Variants in KCNK2 observed in about 807,000 individuals in gnomAD.
The protein encoded by KCNK2 is potassium two pore domain channel subfamily K member 2.
KCNK2 carries 21 observed loss-of-function variants against 40.5 expected under a neutral mutation model. The observed-to-expected ratio is 0.52, with a 90% CI of 0.37 to 0.75. The LOEUF is 0.75. Ranked by LOEUF, KCNK2 falls within the 30% of genes least tolerant of loss-of-function variation. The pLI, the probability that KCNK2 is intolerant of heterozygous loss-of-function variation, is 0.00. For synonymous variants in KCNK2, 191 were observed against 202.2 expected, an observed-to-expected ratio of 0.94 and a Z score of 0.47; for missense variants, 399 against 531.6, an observed-to-expected ratio of 0.75 and a Z score of 2.45.
At chr1:215,219,055 C>T (rs1004319205) in intron 6 of KCNK2, among the ~76,000 whole-genome samples, 2 of 152,144 alleles carry the variant, frequency 1.3e-5, no homozygotes, top group South Asian at 2.1e-4. Flanking sequence ...AATTCTGCTT[C>T]GTCATGCAGT....
chr1:215,099,925 A>G (rs1239077595), intron 2 of KCNK2, among the ~76,000 whole-genome samples: 2 of 152,040 alleles, frequency 1.3e-5, no homozygotes, highest in African/African-American at 4.8e-5. Context: ...TCCTGTCACT[A>G]TTATTTATAT....
chr1:215,037,143 C>T (rs2601629), intron 1 of KCNK2, among the ~76,000 whole-genome samples: 129,170 of 151,590 alleles, frequency 0.85, 55,309 homozygotes, highest in East Asian at 0.99. Flanking sequence ...AAATGTGCTA[C>T]GAGCCATAAG....
At chr1:215,123,574 C>T (rs1409800952) in intron 2 of KCNK2, among the ~76,000 whole-genome samples, 1 of 152,046 alleles carries the variant, frequency 6.6e-6, no homozygotes, top group African/African-American at 2.4e-5. Flanking sequence ...CTATGGGTTA[C>T]CTGTTCTTTT....
upstream of KCNK2, among the ~76,000 whole-genome samples, chr1:215,080,366 A>T (rs1659106200): frequency 1.3e-5 from 2 of 152,190 alleles, no homozygotes; most frequent in Non-Finnish European, 2.9e-5. Context: ...TGAAAATAAT[A>T]TTCAAAAAAA....
chr1:215,023,204 A>G (rs976670539), intron 1 of KCNK2, among the ~76,000 whole-genome samples: 1 of 152,090 alleles, frequency 6.6e-6, no homozygotes, highest in African/African-American at 2.4e-5. Context: ...AAGGCTTGTT[A>G]TTATTATTAT....
chr1:215,014,902 T>C (rs1460554457), intron 1 of KCNK2, among the ~76,000 whole-genome samples: 1 of 152,188 alleles, frequency 6.6e-6, no homozygotes, highest in East Asian at 1.9e-4. Flanking sequence ...GTAAGTTGTT[T>C]TAATGATATT....
intron 2 of KCNK2, among the ~76,000 whole-genome samples, chr1:215,092,895 C>T (rs1379445494): frequency 6.6e-6 from 1 of 152,108 alleles, no homozygotes; most frequent in African/African-American, 2.4e-5. Context: ...CATGCCTTTA[C>T]CAAGGGACAG....
At chr1:215,142,821 G>C (rs1479112372) in intron 3 of KCNK2, among the ~76,000 whole-genome samples, 1 of 151,794 alleles carries the variant, frequency 6.6e-6, no homozygotes, top group Non-Finnish European at 1.5e-5. Context: ...GCTTTTCTTA[G>C]TTGTCTTTGA....
chr1:215,150,238 G>A (rs931873431), intron 3 of KCNK2, among the ~76,000 whole-genome samples: 1 of 152,180 alleles, frequency 6.6e-6, no homozygotes, highest in African/African-American at 2.4e-5. Context: ...ATGGGAGAAT[G>A]TGCATTTGAA....
intron 6 of KCNK2, among the ~76,000 whole-genome samples, chr1:215,228,817 C>G (rs564536619): frequency 6.6e-6 from 1 of 152,134 alleles, no homozygotes; most frequent in East Asian, 1.9e-4. Flanking sequence ...TTCTCAGGAA[C>G]TTATTTTTGA....
At chr1:215,091,785 A>G (rs2102537285) in intron 2 of KCNK2, among the ~76,000 whole-genome samples, 1 of 152,282 alleles carries the variant, frequency 6.6e-6, no homozygotes, top group South Asian at 2.1e-4. Flanking sequence ...TTAAGTAAAG[A>G]GTGAGGGAAA....
At chr1:215,088,575 G>GAAAA (rs10689637) in intron 2 of KCNK2, among the ~76,000 whole-genome samples, 1 of 133,866 alleles carries the variant, frequency 7.5e-6, no homozygotes, top group African/African-American at 2.7e-5. Context: ...GACAGGACAG[G>GAAAA]AAAAAAAAAA....
intron 2 of KCNK2, among the ~76,000 whole-genome samples, chr1:215,090,286 A>G (rs1659638363): frequency 6.6e-6 from 1 of 152,186 alleles, no homozygotes; most frequent in Admixed American, 6.5e-5. Flanking sequence ...CTTTTACCTT[A>G]TAGGGAAACT....
chr1:215,170,850 G>T (rs1663681439), intron 4 of KCNK2, among the ~76,000 whole-genome samples: 1 of 151,918 alleles, frequency 6.6e-6, no homozygotes, highest in Non-Finnish European at 1.5e-5. Context: ...TAGATGCTGG[G>T]TAATATTTTT....
At chr1:215,058,266 T>C (rs528685002) in intron 1 of KCNK2, among the ~76,000 whole-genome samples, 1 of 152,244 alleles carries the variant, frequency 6.6e-6, no homozygotes, top group African/African-American at 2.4e-5. Context: ...TTTTCCCTCT[T>C]CCTTTTTTCC....
intron 1 of KCNK2, among the ~76,000 whole-genome samples, chr1:215,014,582 G>A (rs1341144521): frequency 1.3e-5 from 2 of 151,886 alleles, no homozygotes; most frequent in Non-Finnish European, 2.9e-5. Flanking sequence ...AAAAACAAGT[G>A]AAACACATAA....
chr1:215,111,743 A>G (rs760127753), intron 2 of KCNK2, among the ~76,000 whole-genome samples: 3 of 151,940 alleles, frequency 2.0e-5, no homozygotes, highest in Admixed American at 1.3e-4. Flanking sequence ...TAGGATCAGT[A>G]TGCGGAGATT....
At chr1:215,184,192 G>T (rs1664336173) in intron 5 of KCNK2, among the ~76,000 whole-genome samples, 1 of 152,144 alleles carries the variant, frequency 6.6e-6, no homozygotes, top group Non-Finnish European at 1.5e-5. Context: ...CTCCGTATAA[G>T]ATAAGCTTGT....
At chr1:215,231,362 A>G (rs552168970) in intron 6 of KCNK2, among the ~76,000 whole-genome samples, 2 of 152,306 alleles carry the variant, frequency 1.3e-5, no homozygotes, top group African/African-American at 4.8e-5. Context: ...ATTATGCAAT[A>G]AACGCATAAT....
Sources: gnomAD v4.1 joint callset for allele counts (sites outside exome capture counted in the v4.1 genomes callset) on GRCh38, gnomAD v4.1.1 for gene constraint, MANE v1.5 for transcripts, NCBI Gene and HGNC (gene_info 2026-07-23, HGNC 2026-07-21) for gene names.